DOP1B: variants seen among roughly 807,000 people sequenced by gnomAD.
The protein encoded by DOP1B is protein DOP1B.
In DOP1B, 174 loss-of-function variants were observed where a neutral mutation model predicts 233.5. That is an observed-to-expected ratio of 0.75 (90% CI 0.66 to 0.85). DOP1B has a LOEUF of 0.85. DOP1B is among the 40% of genes least tolerant of loss of function. The pLI is 0.00. For missense variants in DOP1B, 2,652 were observed against 2,846.6 expected, an observed-to-expected ratio of 0.93 and a Z score of 1.56; for synonymous variants, 1,190 against 1,185.6, an observed-to-expected ratio of 1.00 and a Z score of -0.08.
chr21:36,211,748 C>T, intron 6 of DOP1B, 97 bp downstream of exon 6: 1 of 1,378,884 alleles, frequency 7.3e-7, no homozygotes, highest in Non-Finnish European at 1.0e-6. Flanking sequence ...AGCTCAGCCA[C>T]TCATGGGCAT....
chr21:36,242,803 A>G (rs918689768), intron 18 of DOP1B, among the ~76,000 whole-genome samples: 3 of 152,078 alleles, frequency 2.0e-5, no homozygotes, highest in Non-Finnish European at 2.9e-5. Flanking sequence ...GTAGAAATCT[A>G]TTTTTAAAAT....
At position 36,256,558 on chromosome 21, in the gene DOP1B, C is replaced by T. The variant is rs150763129; in HGVS notation, c.5259+2649C>T. On this transcript the variant is annotated intron_variant, in intron 23 of 36. Transcript: ENST00000691173. Reference sequence around the variant, plus strand: ...TTATTCACAGCAGCCAAAAGGTGGACGCAATCCCTGTGTGTCTCAGTGGGT... The same window carrying T: ...TTATTCACAGCAGCCAAAAGGTGGATGCAATCCCTGTGTGTCTCAGTGGGT... Among the ~76,000 whole-genome samples the T allele has an allele frequency of 1.4e-3, 211 of 152,242 alleles. 3 individuals are homozygous for T. The East Asian group carries it at 0.029, about 21-fold the overall frequency.
At chr21:36,216,898 A>T (rs546115328) in intron 9 of DOP1B, among the ~76,000 whole-genome samples, 1 of 152,188 alleles carries the variant, frequency 6.6e-6, no homozygotes, top group Non-Finnish European at 1.5e-5. Flanking sequence ...AATATGGTGA[A>T]ACCCCATCTC....
intron 2 of DOP1B, among the ~76,000 whole-genome samples, chr21:36,191,711 G>A (rs1236558649): frequency 3.3e-5 from 5 of 150,818 alleles, no homozygotes; most frequent in Admixed American, 2.0e-4. Context: ...GCTTGAACCC[G>A]GAAGGCGGAG....
intron 26 of DOP1B, among the ~76,000 whole-genome samples, chr21:36,265,629 A>G (rs1286556242): frequency 1.3e-5 from 2 of 152,034 alleles, no homozygotes; most frequent in Non-Finnish European, 2.9e-5. Flanking sequence ...GGCCACAGGC[A>G]TTCCCTCCGT....
chr21:36,199,332 CAG>C, intron 3 of DOP1B, 81 bp downstream of exon 3: 1 of 1,527,244 alleles, frequency 6.5e-7, no homozygotes, highest in Non-Finnish European at 8.8e-7. Flanking sequence ...AAATGACAAA[CAG>C]GCAAAATAAG....
At chr21:36,161,439 G>T (rs2065868684) in intron 1 of DOP1B, among the ~76,000 whole-genome samples, 1 of 152,110 alleles carries the variant, frequency 6.6e-6, no homozygotes, top group Admixed American at 6.6e-5. Flanking sequence ...ACCTGGCCTA[G>T]TTTTATTTTT....
chr21:36,246,570 C>T lies in DOP1B; in HGVS notation c.4590C>T (p.Phe1530=), dbSNP rs575904881. The part of the protein sequence containing the change: ...VSLVTHSLPY[F]GKSLGWTVTP... ...TGGTCACGCATTCCTTGCCCTACTT[C>T]GGAAAGTCCCTGGGCTGGACGGTGA... Residue 1530 remains phenylalanine (F), a synonymous_variant, in exon 19 of 37, where the codon TTC becomes TTT. Transcript: ENST00000691173. This position sits in a 1 kb window ranked among gnomAD's most constrained non-coding sequence, Gnocchi z 5.1. 12 of 1,614,138 alleles carry T rather than the reference C, an allele frequency of 7.4e-6. No homozygotes were observed. The highest frequency in any genetic ancestry group is 3.3e-5 in the Admixed American group (2 of 60,020).
chr21:36,187,469 T>G (rs7283712), intron 2 of DOP1B, among the ~76,000 whole-genome samples: 25,786 of 151,760 alleles, frequency 0.17, 2,252 homozygotes, highest in Non-Finnish European at 0.2. Context: ...TAATTTTTGT[T>G]TTTTTTTAGT....
chr21:36,288,173 T>G (rs762993926), intron 33 of DOP1B, 23 bp downstream of exon 33: 4 of 1,596,128 alleles, frequency 2.5e-6, no homozygotes, highest in Middle Eastern at 1.7e-4. Context: ...ATTGTAAGTT[T>G]GAAAGCAAGG....
rs562046681 is a variant in DOP1B at position 36,263,591 on chromosome 21, A to G, written c.5361A>G (p.Gly1787=). ...ALQENFSSLL[G]VLKESVQLNL... ...AAGAGAACTTTTCTTCACTGTTGGG[A>G]GTATTGAAAGAGTCTGTACAGTTGA... The change falls in exon 25 of 37, where the codon GGA becomes GGG. Residue 1787 remains glycine, a synonymous_variant. Transcript: ENST00000691173. 3 of 1,614,154 alleles carry G rather than the reference A, an allele frequency of 1.9e-6. No individual in the cohort carries two copies. The highest frequency in any genetic ancestry group is 2.2e-5 in the South Asian group (2 of 91,088).
chr21:36,275,340 G>C (rs2067338526), intron 27 of DOP1B, among the ~76,000 whole-genome samples: 1 of 152,132 alleles, frequency 6.6e-6, no homozygotes, highest in Non-Finnish European at 1.5e-5. Flanking sequence ...TAAAACAGGA[G>C]ATGAGGCTGG....
At chr21:36,198,966 C>G in intron 2 of DOP1B, 104 bp from the exon 3 acceptor site, 1 of 1,247,892 alleles carries the variant, frequency 8.0e-7, no homozygotes, top group Non-Finnish European at 1.1e-6. Context: ...TTCTTACAGC[C>G]ACACTGGGAC....
At chr21:36,160,017 A>G (rs182477839) in intron 1 of DOP1B, among the ~76,000 whole-genome samples, 1 of 152,082 alleles carries the variant, frequency 6.6e-6, no homozygotes, top group African/African-American at 2.4e-5. Context: ...ACCTTGTCTT[A>G]TTTATGTTTC....
chr21:36,270,776 T>G (rs1392233029), intron 27 of DOP1B, among the ~76,000 whole-genome samples: 1 of 149,694 alleles, frequency 6.7e-6, no homozygotes, highest in Non-Finnish European at 1.5e-5. Flanking sequence ...TAGCCGCGCG[T>G]GGTAGTGGGC....
chr21:36,292,011 A>T, intron 35 of DOP1B, 93 bp from the exon 36 acceptor site: 1 of 1,390,044 alleles, frequency 7.2e-7, no homozygotes, highest in Non-Finnish European at 9.7e-7. Context: ...TATTAAATAG[A>T]TACAGTATGT....
At chr21:36,198,555 G>A (rs1216747649) in intron 2 of DOP1B, among the ~76,000 whole-genome samples, 3 of 152,152 alleles carry the variant, frequency 2.0e-5, no homozygotes, top group African/African-American at 4.8e-5. Flanking sequence ...CTTGCTTCTC[G>A]GGTACAGCAA....
chr21:36,178,505 G>A (rs1194510725), intron 2 of DOP1B, among the ~76,000 whole-genome samples: 2 of 151,966 alleles, frequency 1.3e-5, no homozygotes, highest in Admixed American at 1.3e-4. Context: ...GACACAGTGA[G>A]GAGATGGCTG....
chr21:36,196,560 T>A (rs2066292577), intron 2 of DOP1B, among the ~76,000 whole-genome samples: 1 of 152,148 alleles, frequency 6.6e-6, no homozygotes, highest in Non-Finnish European at 1.5e-5. Context: ...AGCACATTTT[T>A]TCACATTATT....
Sources: allele counts gnomAD v4.1 joint callset (sites outside exome capture counted in the v4.1 genomes callset), GRCh38; gene constraint gnomAD v4.1.1; non-coding constraint Gnocchi (gnomAD v3.1); transcripts MANE v1.5; gene names NCBI Gene and HGNC (gene_info 2026-07-23, HGNC 2026-07-21).